Variants in JAZF1 observed in about 807,000 individuals in gnomAD.
The protein encoded by JAZF1 is JAZF zinc finger 1, also known as juxtaposed with another zinc finger protein 1.
JAZF1 carries 8 observed loss-of-function variants against 26.4 expected under a neutral mutation model. The ratio of observed to expected loss-of-function variants is 0.30; its 90% CI spans 0.18 to 0.55. The LOEUF (loss-of-function observed/expected upper bound fraction) is 0.55, where lower values mean the gene tolerates loss of function less well. Among genes scored for constraint, JAZF1 ranks in the 20% least tolerant of loss-of-function variants. JAZF1 has a pLI of 0.94. For synonymous variants in JAZF1, 126 were observed against 122.3 expected, an observed-to-expected ratio of 1.03 and a Z score of -0.20; for missense variants, 199 against 322.0, an observed-to-expected ratio of 0.62 and a Z score of 2.92.
chr7:28,004,066 G>A (rs1782655978), intron 1 of JAZF1, among the ~76,000 whole-genome samples: 1 of 152,118 alleles, frequency 6.6e-6, no homozygotes, highest in African/African-American at 2.4e-5. Flanking sequence ...GGACTATAGA[G>A]GATGTGACTT....
chr7:27,860,394 T>C (rs1165970167), intron 3 of JAZF1, among the ~76,000 whole-genome samples: 3 of 152,236 alleles, frequency 2.0e-5, no homozygotes, highest in African/African-American at 7.2e-5. Context: ...TGCACTATGA[T>C]GACACTGAGC....
chr7:27,990,423 T>C (rs1391256266), intron 2 of JAZF1, among the ~76,000 whole-genome samples: 1 of 113,264 alleles, frequency 8.8e-6, no homozygotes, highest in African/African-American at 2.8e-5. Context: ...CCCTAGAACT[T>C]AAAGTATAAA....
intron 1 of JAZF1, among the ~76,000 whole-genome samples, chr7:28,099,101 A>G (rs991883326): frequency 2.0e-5 from 3 of 152,230 alleles, no homozygotes; most frequent in Admixed American, 6.5e-5. Flanking sequence ...ATGTTAGCCA[A>G]TGTGACTTAG....
At chr7:27,978,468 C>G (rs1349778093) in intron 2 of JAZF1, among the ~76,000 whole-genome samples, 1 of 152,106 alleles carries the variant, frequency 6.6e-6, no homozygotes, top group Non-Finnish European at 1.5e-5. Context: ...ACCATTAGGG[C>G]AAAATTTTGT....
chr7:28,070,009 G>A (rs538075419), intron 1 of JAZF1, among the ~76,000 whole-genome samples: 38 of 152,228 alleles, frequency 2.5e-4, no homozygotes, highest in African/African-American at 7.9e-4. Flanking sequence ...TTCTCTCCCT[G>A]CTCACGGCAC....
chr7:27,990,825 C>T (rs933424154), intron 2 of JAZF1, among the ~76,000 whole-genome samples: 2 of 152,106 alleles, frequency 1.3e-5, no homozygotes, highest in East Asian at 3.9e-4. Flanking sequence ...ATTTTGAAGG[C>T]GTTCTATTTA....
intron 2 of JAZF1, among the ~76,000 whole-genome samples, chr7:27,950,477 C>T (rs181186516): frequency 2.2e-3 from 331 of 152,258 alleles, no homozygotes; most frequent in African/African-American, 7.7e-3. Context: ...AGAAGACTAC[C>T]AATGAAAAGC....
At chr7:27,878,554 TA>T (rs1307525675) in intron 3 of JAZF1, among the ~76,000 whole-genome samples, 13 of 152,258 alleles carry the variant, frequency 8.5e-5, no homozygotes, top group Non-Finnish European at 1.8e-4. Context: ...GATCTCTGCA[TA>T]AATTTCTGGT....
intron 2 of JAZF1, among the ~76,000 whole-genome samples, chr7:27,957,128 G>T (rs6968466): frequency 0.021 from 3,167 of 151,532 alleles, 104 homozygotes; most frequent in African/African-American, 0.074. Flanking sequence ...ATCATCTTTG[G>T]TTCTCTTCCG....
intron 1 of JAZF1, among the ~76,000 whole-genome samples, chr7:28,069,320 A>C (rs1292136675): frequency 6.6e-6 from 1 of 152,202 alleles, no homozygotes; most frequent in Non-Finnish European, 1.5e-5. Flanking sequence ...GCTGTATTAT[A>C]TTTTAACCTG....
chr7:28,061,988 C>T (rs188099118), intron 1 of JAZF1, among the ~76,000 whole-genome samples: 272 of 152,270 alleles, frequency 1.8e-3, no homozygotes, highest in Non-Finnish European at 2.4e-3. Context: ...CGGTGAAGGA[C>T]GGAGTGGGGA....
chr7:28,121,275 G>A (rs972103357), intron 1 of JAZF1, among the ~76,000 whole-genome samples: 3 of 152,106 alleles, frequency 2.0e-5, no homozygotes, highest in Admixed American at 2.0e-4. Flanking sequence ...TGGCCAGTGA[G>A]CTGCCCCTGC....
chr7:28,069,381 C>T (rs1783934836), intron 1 of JAZF1, among the ~76,000 whole-genome samples: 4 of 152,174 alleles, frequency 2.6e-5, no homozygotes, highest in Non-Finnish European at 5.9e-5. Flanking sequence ...GGGATTTTGC[C>T]TTGTTCTAAG....
intron 3 of JAZF1, among the ~76,000 whole-genome samples, chr7:27,880,048 G>A (rs17155987): frequency 0.2 from 31,050 of 152,076 alleles, 4,010 homozygotes; most frequent in African/African-American, 0.37. Context: ...CAGCTACCAC[G>A]AAGATGGAGC....
At chr7:27,899,083 C>G (rs926664085) in intron 2 of JAZF1, among the ~76,000 whole-genome samples, 4 of 152,192 alleles carry the variant, frequency 2.6e-5, no homozygotes, top group Non-Finnish European at 4.4e-5. Context: ...CTTCATTAAC[C>G]ATGACTTAAC....
At chr7:27,964,854 A>T (rs1183410910) in intron 2 of JAZF1, among the ~76,000 whole-genome samples, 3 of 152,050 alleles carry the variant, frequency 2.0e-5, no homozygotes, top group Admixed American at 6.6e-5. Flanking sequence ...AACTAATCTC[A>T]ATAAAAGTCA....
At chr7:27,873,057 C>T (rs1467797902) in intron 3 of JAZF1, among the ~76,000 whole-genome samples, 1 of 152,134 alleles carries the variant, frequency 6.6e-6, no homozygotes, top group Admixed American at 6.5e-5. Context: ...TATTAAGCGA[C>T]GGGGTAGGTT....
chr7:27,934,592 A>ACTTT (rs1784738304), intron 2 of JAZF1, among the ~76,000 whole-genome samples: 2 of 152,200 alleles, frequency 1.3e-5, no homozygotes. Flanking sequence ...TGGAGCACTT[A>ACTTT]TATTTGGCTC....
intron 1 of JAZF1, among the ~76,000 whole-genome samples, chr7:28,068,904 C>T (rs934518871): frequency 1.3e-5 from 2 of 152,204 alleles, no homozygotes; most frequent in African/African-American, 4.8e-5. Context: ...AAAGACTCAT[C>T]CCTGTGTATG....
Sources: gnomAD v4.1 joint callset for allele counts (sites outside exome capture counted in the v4.1 genomes callset) on GRCh38, gnomAD v4.1.1 for gene constraint, MANE v1.5 for transcripts, NCBI Gene and HGNC (gene_info 2026-07-23, HGNC 2026-07-21) for gene names.